Variants in ATP5PD observed in about 807,000 individuals in gnomAD.
ATP5PD encodes the protein ATP synthase peripheral stalk subunit d, mitochondrial.
A neutral mutation model predicts 22.6 loss-of-function variants in ATP5PD; 13 were observed. The observed-to-expected ratio is 0.58, with a 90% CI of 0.37 to 0.91. The LOEUF (loss-of-function observed/expected upper bound fraction) is 0.91. ATP5PD is among the 40% of genes least tolerant of loss of function. The pLI, the probability that ATP5PD is intolerant of heterozygous loss-of-function variation, is 0.00. For synonymous variants in ATP5PD, 51 were observed against 65.0 expected, an observed-to-expected ratio of 0.79 and a Z score of 1.03; for missense variants, 165 against 188.0, an observed-to-expected ratio of 0.88 and a Z score of 0.72.
intron 3 of ATP5PD, chr17:75,040,424 T>C (rs527311881): frequency 2.8e-5 from 13 of 464,118 alleles, no homozygotes; most frequent in African/African-American, 2.2e-4. Flanking sequence ...TTCTTTATGA[T>C]GATAAGCTTC....
At position 75,040,091 on chromosome 17, in the gene ATP5PD, C is replaced by T. The variant is rs1363419773; in HGVS notation, c.291+1G>A. 3 of 1,613,644 alleles carry T rather than the reference C, an allele frequency of 1.9e-6. No homozygotes were observed. The highest frequency in any genetic ancestry group is 1.7e-6 in the Non-Finnish European group (2 of 1,179,880). Reference sequence around the variant, plus strand: ...AATAAGCAGGAGCCTCAACTACTTACATCTTCTTTTTCTTCGGCATCCACC... The same window carrying T: ...AATAAGCAGGAGCCTCAACTACTTATATCTTCTTTTTCTTCGGCATCCACC... On this transcript the variant is annotated splice_donor_variant, in intron 4 of 5. Coordinates refer to ENST00000301587, the MANE Select transcript of ATP5PD (RefSeq NM_006356.3). LOFTEE classifies it high-confidence loss of function.
chr17:75,041,252 G>C (rs993885724), intron 3 of ATP5PD: 4 of 151,694 alleles, frequency 2.6e-5, no homozygotes, highest in African/African-American at 9.7e-5. Flanking sequence ...TTACTCGGGG[G>C]GATGAGGTGG....
intron 1 of ATP5PD, among the ~76,000 whole-genome samples, chr17:75,045,741 C>A (rs2073208395): frequency 6.6e-6 from 1 of 152,174 alleles, no homozygotes; most frequent in Non-Finnish European, 1.5e-5. Context: ...CTCAAACACA[C>A]ATGCTGTACA....
At chr17:75,041,649 A>G (rs1467621159) in intron 3 of ATP5PD, 1 of 152,428 alleles carries the variant, frequency 6.6e-6, no homozygotes, top group East Asian at 1.9e-4. Flanking sequence ...ACAGGAAAAG[A>G]GTAGAAAAAA....
At chr17:75,046,020 T>C (rs1194104902) in intron 1 of ATP5PD, among the ~76,000 whole-genome samples, 2 of 152,026 alleles carry the variant, frequency 1.3e-5, no homozygotes, top group African/African-American at 4.8e-5. Flanking sequence ...TTTCAGCCGG[T>C]CTCTCTGTTT....
intron 1 of ATP5PD, among the ~76,000 whole-genome samples, chr17:75,043,861 C>G (rs112569307): frequency 1.2e-4 from 19 of 152,124 alleles, no homozygotes; most frequent in Admixed American, 3.9e-4. Context: ...CCTGCTTGCC[C>G]CAGAGGGCTG....
intron 4 of ATP5PD, 167 bp downstream of exon 4, chr17:75,039,925 C>T (rs541057177): frequency 2.9e-5 from 21 of 722,746 alleles, no homozygotes; most frequent in Middle Eastern, 3.1e-4. Flanking sequence ...TCTTTCACTC[C>T]GCATAATTAT....
At chr17:75,045,043 T>C (rs751291608) in intron 1 of ATP5PD, among the ~76,000 whole-genome samples, 2 of 152,200 alleles carry the variant, frequency 1.3e-5, no homozygotes, top group African/African-American at 2.4e-5. Context: ...TTCTTTTCTA[T>C]TTTCCTAAGC....
At chr17:75,043,425 A>G (rs1050429122) in intron 1 of ATP5PD, among the ~76,000 whole-genome samples, 313 of 152,326 alleles carry the variant, frequency 2.1e-3, no homozygotes, top group African/African-American at 7.3e-3. Flanking sequence ...CAGCCTGAGC[A>G]ATAGGGTGAA....
In ATP5PD at chr17:75,042,526, G is replaced by A. The variant is rs768434668; in HGVS notation, c.122+3C>T. ...TGGGGTTCCCTCTCAGAAACATACT[G>A]ACCTGGAGGTGAGGGTCTCATTCCA... On this transcript the variant is annotated splice_donor_region_variant and intron_variant, in intron 2 of 5. Coordinates refer to ENST00000301587, the MANE Select transcript of ATP5PD (RefSeq NM_006356.3). 2 of 1,611,076 alleles carry A rather than the reference G, an allele frequency of 1.2e-6. No individual in the cohort carries two copies. Among genetic ancestry groups the A allele is most frequent in the South Asian group, 1.1e-5 (1 of 90,418 alleles).
At chr17:75,039,918 TTCAC>T in intron 4 of ATP5PD, 170 bp downstream of exon 4, 1 of 704,990 alleles carries the variant, frequency 1.4e-6, no homozygotes, top group Non-Finnish European at 2.4e-6. Flanking sequence ...GTTGGCTTCT[TTCAC>T]TCCGCATAAT....
intron 4 of ATP5PD, 83 bp downstream of exon 4, chr17:75,040,009 T>C (rs761665654): frequency 2.8e-6 from 4 of 1,434,098 alleles, no homozygotes; most frequent in Non-Finnish European, 3.9e-6. Context: ...TTCCATTTAA[T>C]TCACTCTAAC....
chr17:75,040,182 G>C lies in ATP5PD; in HGVS notation c.220-19C>G, dbSNP rs373588497. 8 of 1,611,274 alleles carry C rather than the reference G, an allele frequency of 5.0e-6. No homozygotes were observed. Among genetic ancestry groups the C allele is most frequent in the Non-Finnish European group, 6.8e-6 (8 of 1,179,660 alleles). ...CATTAAACTACAAACACAAGGGCAC[G>C]GGAACCTTCAGCGCATTAAACTACA... On this transcript the variant is annotated intron_variant, in intron 3 of 5. Transcript: ENST00000301587.
chr17:75,043,198 G>A (rs1258073317), intron 1 of ATP5PD, among the ~76,000 whole-genome samples: 1 of 152,184 alleles, frequency 6.6e-6, no homozygotes, highest in Non-Finnish European at 1.5e-5. Context: ...CCTAGCCTGG[G>A]CAACACAGCA....
Position 75,042,097 on chromosome 17 carries a change from T to C in ATP5PD, c.219+84A>G, listed in dbSNP as rs559679578. 113 of 1,199,586 alleles carry C rather than the reference T, an allele frequency of 9.4e-5. No individual in the cohort carries two copies. In the South Asian group the frequency reaches 1.5e-3, roughly 16 times the overall value. 74.3% of individuals were successfully genotyped at this position (1,199,586 alleles called of 1,614,324 possible). A position where few individuals can be genotyped will look rare whatever the true frequency, so the allele number is the denominator to read the frequency against. On this transcript the variant is annotated intron_variant, in intron 3 of 5. Coordinates refer to ENST00000301587, the MANE Select transcript of ATP5PD (RefSeq NM_006356.3). ...AGCTTCCTTAGGGATCTGGCTGTCA[T>C]GCTGTGTATGTAATTATCCCTGTTC... is the stretch of plus-strand genomic sequence containing the variant.
chr17:75,042,738 A>G, intron 1 of ATP5PD, 79 bp from the exon 2 acceptor site: 1 of 1,376,818 alleles, frequency 7.3e-7, no homozygotes, highest in Non-Finnish European at 1.0e-6. Flanking sequence ...ATAACAAAAT[A>G]AGAGCTCTTA....
chr17:75,040,158 AT>A lies in ATP5PD; in HGVS notation c.224del (p.Asn75MetfsTer3). The A allele has an allele frequency of 6.2e-7, 1 of 1,611,518 alleles. No individual in the cohort carries two copies. Among genetic ancestry groups the A allele is most frequent in the Non-Finnish European group, 8.5e-7 (1 of 1,179,590 alleles). On this transcript the variant is annotated frameshift_variant, in exon 4 of 6. Coordinates refer to ENST00000301587, the MANE Select transcript of ATP5PD (RefSeq NM_006356.3). LOFTEE classifies it high-confidence loss of function. ...GLVDDFEKKF[N>X]ALKVPVPEDK... ...CCTCTGGCACGGGAACCTTCAGCGC[AT>A]TAAACTACAAACACAAGGGCACGGG...
At chr17:75,041,447 C>CCA (rs564095060) in intron 3 of ATP5PD, 1 of 109,110 alleles carries the variant, frequency 9.2e-6, no homozygotes, top group Non-Finnish European at 2.0e-5. Flanking sequence ...CTGTCTCTAC[C>CCA]AAAAAAAAAA....
intron 1 of ATP5PD, among the ~76,000 whole-genome samples, chr17:75,043,589 GAC>G (rs1251927315): frequency 7.2e-6 from 1 of 139,772 alleles, no homozygotes; most frequent in African/African-American, 2.8e-5. Context: ...CTCCAGCCTG[GAC>G]ACAGAGTGAG....
Sources: gnomAD v4.1 joint callset for allele counts (sites outside exome capture counted in the v4.1 genomes callset) on GRCh38, gnomAD v4.1.1 for gene constraint, MANE v1.5 for transcripts, NCBI Gene and HGNC (gene_info 2026-07-23, HGNC 2026-07-21) for gene names.